Variants in ATP8A2 observed in about 807,000 individuals in gnomAD.
ATP8A2 encodes the protein ATPase phospholipid transporting 8A2.
Under a neutral mutation model 165.6 loss-of-function variants are expected in ATP8A2, and 100 were observed. That is an observed-to-expected ratio of 0.60 (90% CI 0.51 to 0.71). The LOEUF is 0.71. Ranked by LOEUF, ATP8A2 falls within the 30% of genes least tolerant of loss-of-function variation. The probability of loss-of-function intolerance (pLI) is 0.00; values close to 1 mark genes in which losing one functional copy is unlikely to be tolerated. For synonymous variants in ATP8A2, 543 were observed against 548.8 expected (o/e 0.99, Z 0.15); for missense variants, 1,227 against 1,479.5 (o/e 0.83, Z 2.80).
intron 25 of ATP8A2, among the ~76,000 whole-genome samples, chr13:25,727,794 C>T (rs771170489): frequency 6.6e-6 from 1 of 152,274 alleles, no homozygotes. Flanking sequence ...GGAATATACT[C>T]CCCTTTGTAA....
In ATP8A2 at chr13:25,640,134, G is replaced by A. The variant is rs2041478589; in HGVS notation, c.2211+50435G>A. Reference sequence around the variant, plus strand: ...TAGAGGGAAATTTATAGCACTAAATGCCCACAAGAGAAAGCAGGAAAGATC... The same window carrying A: ...TAGAGGGAAATTTATAGCACTAAATACCCACAAGAGAAAGCAGGAAAGATC... On this transcript the variant is annotated intron_variant, in intron 24 of 36. Transcript: ENST00000381655. 1.3e-5 allele frequency among the ~76,000 whole-genome samples: 2 copies of A among 152,084 alleles called. 1 individual carries two copies. The highest frequency in any genetic ancestry group is 1.3e-4 in the Admixed American group (2 of 15,264).
At chr13:25,787,018 A>G (rs1449526304) in intron 27 of ATP8A2, among the ~76,000 whole-genome samples, 1 of 152,208 alleles carries the variant, frequency 6.6e-6, no homozygotes, top group Non-Finnish European at 1.5e-5. Context: ...CTTGGCCTCA[A>G]GTGATCCACC....
chr13:25,823,567 A>T (rs1951233029), intron 27 of ATP8A2, among the ~76,000 whole-genome samples: 1 of 152,144 alleles, frequency 6.6e-6, no homozygotes, highest in Non-Finnish European at 1.5e-5. Context: ...ACTTGTAAAC[A>T]TCTTTTACTC....
At chr13:25,446,752 G>A (rs1164935799) in intron 1 of ATP8A2, among the ~76,000 whole-genome samples, 2 of 152,108 alleles carry the variant, frequency 1.3e-5, no homozygotes, top group African/African-American at 4.8e-5. Flanking sequence ...AATATTTTTT[G>A]CTAAGCAGAA....
intron 1 of ATP8A2, among the ~76,000 whole-genome samples, chr13:25,448,283 G>C (rs921120860): frequency 6.6e-6 from 1 of 152,148 alleles, no homozygotes; most frequent in Non-Finnish European, 1.5e-5. Flanking sequence ...TCAAACACTA[G>C]AGCTCATTTT....
intron 35 of ATP8A2, among the ~76,000 whole-genome samples, chr13:25,970,436 G>T (rs1334363352): frequency 2.0e-5 from 3 of 152,230 alleles, no homozygotes; most frequent in African/African-American, 7.2e-5. Context: ...TCTGATTTGG[G>T]CAGAGGGAGT....
intron 1 of ATP8A2, among the ~76,000 whole-genome samples, chr13:25,436,480 A>G (rs1440242822): frequency 2.6e-5 from 4 of 152,158 alleles, no homozygotes; most frequent in African/African-American, 7.2e-5. Flanking sequence ...CATGGTGTAT[A>G]TGTATCACAT....
intron 24 of ATP8A2, among the ~76,000 whole-genome samples, chr13:25,698,934 A>T (rs2042892208): frequency 6.6e-6 from 1 of 152,136 alleles, no homozygotes; most frequent in Non-Finnish European, 1.5e-5. Flanking sequence ...ATGTAGTGTA[A>T]AGAAGTGGAT....
chr13:25,894,216 TG>T (rs1477969471), intron 33 of ATP8A2, among the ~76,000 whole-genome samples: 1 of 152,102 alleles, frequency 6.6e-6, no homozygotes, highest in East Asian at 1.9e-4. Flanking sequence ...TTGTATAAGG[TG>T]TAAGGAAGGG....
At chr13:25,694,263 A>G (rs1325402096) in intron 24 of ATP8A2, among the ~76,000 whole-genome samples, 2 of 151,988 alleles carry the variant, frequency 1.3e-5, no homozygotes, top group African/African-American at 2.4e-5. Context: ...TGGGCTCCAC[A>G]TTTCAGAGAT....
intron 2 of ATP8A2, among the ~76,000 whole-genome samples, chr13:25,508,275 A>C (rs905727120): frequency 5.3e-5 from 8 of 152,226 alleles, no homozygotes; most frequent in African/African-American, 1.9e-4. Flanking sequence ...TGCGGACTTT[A>C]GTTTAATTTT....
At chr13:25,700,857 C>T (rs931121607) in intron 25 of ATP8A2, among the ~76,000 whole-genome samples, 2 of 152,302 alleles carry the variant, frequency 1.3e-5, no homozygotes, top group East Asian at 1.9e-4. Flanking sequence ...CATATCCATG[C>T]TAACACTTGT....
At chr13:25,414,752 G>C (rs2034083730) in intron 1 of ATP8A2, among the ~76,000 whole-genome samples, 2 of 152,222 alleles carry the variant, frequency 1.3e-5, no homozygotes, top group Admixed American at 1.3e-4. Context: ...AAGTACACAT[G>C]ATGCTGAATT....
At chr13:25,553,154 G>C (rs1372719599) in intron 11 of ATP8A2, among the ~76,000 whole-genome samples, 3 of 151,764 alleles carry the variant, frequency 2.0e-5, no homozygotes, top group African/African-American at 2.4e-5. Context: ...GTCAAGGAAA[G>C]AACTTTCCCT....
intron 30 of ATP8A2, among the ~76,000 whole-genome samples, chr13:25,849,028 C>CT (rs1445996134): frequency 6.6e-6 from 1 of 152,020 alleles, no homozygotes; most frequent in Non-Finnish European, 1.5e-5. Context: ...CGGGGGCTGG[C>CT]TCAGTTAATG....
chr13:25,634,483 CA>C, intron 24 of ATP8A2, among the ~76,000 whole-genome samples: 1 of 152,220 alleles, frequency 6.6e-6, no homozygotes, highest in East Asian at 1.9e-4. Flanking sequence ...AAATCGAACC[CA>C]AAACTAAGCT....
intron 2 of ATP8A2, among the ~76,000 whole-genome samples, chr13:25,512,129 C>T (rs1161596333): frequency 6.6e-6 from 1 of 151,556 alleles, no homozygotes; most frequent in Non-Finnish European, 1.5e-5. Flanking sequence ...TAACAAAGCA[C>T]ATCTTGCACC....
At chr13:25,559,796 T>C (rs754850372) in intron 15 of ATP8A2, 31 bp downstream of exon 15, 4 of 1,523,114 alleles carry the variant, frequency 2.6e-6, no homozygotes, top group Non-Finnish European at 3.6e-6. Context: ...CTTGACACTT[T>C]AGTGGAAAAG....
chr13:25,557,789 T>C (rs2039024313), intron 13 of ATP8A2, among the ~76,000 whole-genome samples: 1 of 152,190 alleles, frequency 6.6e-6, no homozygotes, highest in African/African-American at 2.4e-5. Flanking sequence ...ATTGAGGATA[T>C]GGGGAAAGTT....
Sources: gnomAD v4.1 joint callset for allele counts (sites outside exome capture counted in the v4.1 genomes callset) on GRCh38, gnomAD v4.1.1 for gene constraint, MANE v1.5 for transcripts, NCBI Gene and HGNC (gene_info 2026-07-23, HGNC 2026-07-21) for gene names.